GRK5: variants seen among roughly 807,000 people sequenced by gnomAD.
GRK5 encodes G protein-coupled receptor kinase 5, also known as g protein-coupled receptor kinase GRK5.
Under a neutral mutation model 78.4 loss-of-function variants are expected in GRK5, and 40 were observed. That is an observed-to-expected ratio of 0.51 (90% CI 0.40 to 0.66). The LOEUF is 0.66. GRK5 is among the 30% of genes least tolerant of loss of function. The probability of loss-of-function intolerance (pLI) is 0.00; values close to 1 mark genes in which losing one functional copy is unlikely to be tolerated. For missense variants in GRK5, 598 were observed against 759.9 expected (o/e 0.79, Z 2.50); for synonymous variants, 289 against 296.8 (o/e 0.97, Z 0.27).
chr10:119,236,145 G>T (rs1362693081), intron 1 of GRK5, among the ~76,000 whole-genome samples: 1 of 152,194 alleles, frequency 6.6e-6, no homozygotes, highest in Non-Finnish European at 1.5e-5. Flanking sequence ...GGAGGCCGAG[G>T]CAGGCTGATC....
chr10:119,408,531 G>T (rs1036719801), intron 4 of GRK5, among the ~76,000 whole-genome samples: 1 of 152,124 alleles, frequency 6.6e-6, no homozygotes, highest in East Asian at 1.9e-4. Flanking sequence ...GGAATGAAGC[G>T]CTAATACATG....
chr10:119,221,711 TAAC>T (rs1848658735), intron 1 of GRK5, among the ~76,000 whole-genome samples: 1 of 152,342 alleles, frequency 6.6e-6, no homozygotes, highest in African/African-American at 2.4e-5. Context: ...ATCTGCCTAA[TAAC>T]ATCCCCTTTC....
chr10:119,456,567 C>A lies in GRK5; in HGVS notation c.*1500C>A. 6.6e-6 allele frequency: 1 copy of A among 152,412 alleles called. No individual in the cohort carries two copies. The highest frequency in any genetic ancestry group is 1.5e-5 in the Non-Finnish European group (1 of 68,084). The allele number at this position is 152,412 out of a possible 1,614,324, so 9.4% of individuals were successfully genotyped here. A position where few individuals can be genotyped will look rare whatever the true frequency, so the allele number is the denominator to read the frequency against. ...CACTGTCCCCTGCCCGGCTGAGTCC[C>A]TGATGTCTGACTGTGCCACCCAGCA... On this transcript the variant is annotated 3_prime_UTR_variant, in exon 16 of 16. Transcript: ENST00000392870. The surrounding 1 kb of genome is among the most constrained non-coding windows in gnomAD (Gnocchi z 5.5).
intron 1 of GRK5, among the ~76,000 whole-genome samples, chr10:119,259,411 T>G (rs1411064088): frequency 1.3e-5 from 2 of 152,258 alleles, no homozygotes; most frequent in Non-Finnish European, 2.9e-5. Context: ...GGCTTCCTTT[T>G]CTGCATCATA....
intron 4 of GRK5, among the ~76,000 whole-genome samples, chr10:119,405,060 G>A (rs907752373): frequency 1.3e-5 from 2 of 152,188 alleles, no homozygotes; most frequent in South Asian, 2.1e-4. Flanking sequence ...GTGCCCCACC[G>A]CAATTACTAA....
chr10:119,221,581 C>G (rs997977290), intron 1 of GRK5, among the ~76,000 whole-genome samples: 2 of 152,062 alleles, frequency 1.3e-5, no homozygotes, highest in Non-Finnish European at 2.9e-5. Context: ...TAACCAAGCC[C>G]CTAGAATGAG....
chr10:119,449,268 T>C (rs1384113363), intron 13 of GRK5, among the ~76,000 whole-genome samples: 1 of 152,134 alleles, frequency 6.6e-6, no homozygotes, highest in East Asian at 1.9e-4. Context: ...CCAGAACCAG[T>C]GGTTATCACT....
chr10:119,284,853 G>A (rs1436228220), intron 1 of GRK5, among the ~76,000 whole-genome samples: 1 of 152,222 alleles, frequency 6.6e-6, no homozygotes, highest in African/African-American at 2.4e-5. Flanking sequence ...TCTCACTGGG[G>A]CCTCTCGTGG....
chr10:119,250,736 T>C, intron 1 of GRK5, among the ~76,000 whole-genome samples: 1 of 152,158 alleles, frequency 6.6e-6, no homozygotes, highest in East Asian at 1.9e-4. Context: ...GAAGTGAACG[T>C]TGGAGAAAGT....
chr10:119,406,389 T>C, intron 4 of GRK5: 2 of 896,360 alleles, frequency 2.2e-6, no homozygotes, highest in Non-Finnish European at 1.3e-6. Context: ...TGGTCCTGCT[T>C]AGAGTCTGCC....
At chr10:119,426,269 TG>T (rs1313774658) in intron 6 of GRK5, among the ~76,000 whole-genome samples, 2 of 152,256 alleles carry the variant, frequency 1.3e-5, no homozygotes, top group Non-Finnish European at 2.9e-5. Flanking sequence ...CGGCCATGGA[TG>T]GGTGGTTTCT....
At chr10:119,383,295 G>A (rs968222442) in intron 3 of GRK5, among the ~76,000 whole-genome samples, 8 of 152,190 alleles carry the variant, frequency 5.3e-5, no homozygotes, top group African/African-American at 1.9e-4. Flanking sequence ...GTTTTTGCAG[G>A]GTGGAGTGGG....
chr10:119,411,137 C>T (rs1589795244), intron 4 of GRK5, among the ~76,000 whole-genome samples: 1 of 152,180 alleles, frequency 6.6e-6, no homozygotes, highest in East Asian at 1.9e-4. Flanking sequence ...AAGACAGCTC[C>T]CATGCCTTGA....
chr10:119,415,169 G>C (rs1852425918), intron 4 of GRK5, among the ~76,000 whole-genome samples: 1 of 152,086 alleles, frequency 6.6e-6, no homozygotes, highest in Non-Finnish European at 1.5e-5. Flanking sequence ...GCCTTCTCCA[G>C]GAGGTGAGGC....
At chr10:119,208,049 C>T (rs994042276) in intron 1 of GRK5, 80 bp downstream of exon 1, 2 of 1,395,454 alleles carry the variant, frequency 1.4e-6, no homozygotes, top group South Asian at 1.3e-5. Flanking sequence ...CGGGCTGGGG[C>T]TGCGCCCGTG....
chr10:119,347,446 T>G (rs981257927), intron 2 of GRK5, among the ~76,000 whole-genome samples: 3 of 152,172 alleles, frequency 2.0e-5, no homozygotes, highest in African/African-American at 4.8e-5. Flanking sequence ...CGTGCATGTT[T>G]GCAAGTATGT....
At chr10:119,284,632 C>T (rs1589721320) in intron 1 of GRK5, among the ~76,000 whole-genome samples, 1 of 152,212 alleles carries the variant, frequency 6.6e-6, no homozygotes, top group African/African-American at 2.4e-5. Context: ...TGGCGCAGAA[C>T]AGGCTGCTGT....
At chr10:119,254,784 G>C (rs1179866405) in intron 1 of GRK5, among the ~76,000 whole-genome samples, 4 of 152,156 alleles carry the variant, frequency 2.6e-5, no homozygotes, top group African/African-American at 4.8e-5. Context: ...GCCGGGCACG[G>C]TGGCTCACGC....
chr10:119,323,750 G>A (rs1426960440), intron 1 of GRK5, among the ~76,000 whole-genome samples: 1 of 152,134 alleles, frequency 6.6e-6, no homozygotes, highest in Non-Finnish European at 1.5e-5. Context: ...TTGGTTGCAT[G>A]GAATGTTCTT....
Sources: gnomAD v4.1 joint callset for allele counts (sites outside exome capture counted in the v4.1 genomes callset) on GRCh38, gnomAD v4.1.1 for gene constraint, Gnocchi (gnomAD v3.1) non-coding constraint, MANE v1.5 for transcripts, NCBI Gene and HGNC (gene_info 2026-07-23, HGNC 2026-07-21) for gene names.